Variants in STK32B observed in about 807,000 individuals in gnomAD.
STK32B encodes the protein serine/threonine kinase 32B.
Under a neutral mutation model 52.6 loss-of-function variants are expected in STK32B, and 43 were observed. The observed-to-expected ratio is 0.82, with a 90% CI of 0.64 to 1.05. The LOEUF (loss-of-function observed/expected upper bound fraction) is 1.05. Ranked by LOEUF, STK32B falls within the 50% of genes least tolerant of loss-of-function variation. The probability of loss-of-function intolerance (pLI) is 0.00; values close to 1 mark genes in which losing one functional copy is unlikely to be tolerated. For synonymous variants in STK32B, 238 were observed against 204.3 expected (o/e 1.17, Z -1.41); for missense variants, 621 against 534.6 (o/e 1.16, Z -1.59).
intron 4 of STK32B, among the ~76,000 whole-genome samples, chr4:5,353,927 G>A (rs899681309): frequency 6.6e-6 from 1 of 152,206 alleles, no homozygotes. Flanking sequence ...AGGGATACAG[G>A]CATGCCAATA....
At chr4:5,220,094 A>G (rs1397961584) in intron 3 of STK32B, among the ~76,000 whole-genome samples, 1 of 152,216 alleles carries the variant, frequency 6.6e-6, no homozygotes, top group East Asian at 1.9e-4. Context: ...TGCAAACTCC[A>G]GTCTAAAGGA....
intron 3 of STK32B, among the ~76,000 whole-genome samples, chr4:5,259,184 A>G (rs769232076): frequency 6.6e-6 from 1 of 152,220 alleles, no homozygotes; most frequent in Non-Finnish European, 1.5e-5. Context: ...TTCTATAGCA[A>G]GAATCAACAT....
chr4:5,078,635 T>C (rs997513452), intron 1 of STK32B, among the ~76,000 whole-genome samples: 1 of 152,198 alleles, frequency 6.6e-6, no homozygotes, highest in Admixed American at 6.5e-5. Flanking sequence ...TAAGTATTAC[T>C]TGGGATGCCT....
chr4:5,177,806 T>G (rs56241638), intron 3 of STK32B, among the ~76,000 whole-genome samples: 1 of 152,194 alleles, frequency 6.6e-6, no homozygotes, highest in Non-Finnish European at 1.5e-5. Flanking sequence ...CAAAATGATC[T>G]CCTTTGACTT....
intron 5 of STK32B, among the ~76,000 whole-genome samples, chr4:5,411,000 G>A (rs151093213): frequency 6.6e-6 from 1 of 151,770 alleles, no homozygotes; most frequent in Non-Finnish European, 1.5e-5. Context: ...CCTGTTTCAT[G>A]AGGTGAATAA....
At chr4:5,289,244 G>T (rs747336559) in intron 3 of STK32B, among the ~76,000 whole-genome samples, 12 of 152,104 alleles carry the variant, frequency 7.9e-5, no homozygotes, top group Non-Finnish European at 1.6e-4. Flanking sequence ...CATAGAAAAA[G>T]CATAAGTGTG....
At chr4:5,049,337 C>T (rs1194654531), upstream of STK32B, among the ~76,000 whole-genome samples, 1 of 152,180 alleles carries the variant, frequency 6.6e-6, no homozygotes, top group Non-Finnish European at 1.5e-5. Flanking sequence ...GCCGGGATTA[C>T]AGGTGGGTGA....
intron 1 of STK32B, among the ~76,000 whole-genome samples, chr4:5,060,122 A>T (rs1433459158): frequency 1.3e-5 from 2 of 152,006 alleles, no homozygotes; most frequent in African/African-American, 2.4e-5. Context: ...ATGTGCCCCT[A>T]CGCCCGGCTA....
intron 11 of STK32B, among the ~76,000 whole-genome samples, chr4:5,480,231 A>G (rs1020228019): frequency 6.6e-6 from 1 of 152,236 alleles, no homozygotes; most frequent in Non-Finnish European, 1.5e-5. Context: ...AAAAAGAGTC[A>G]AACTCTGTAA....
chr4:5,155,730 TG>T (rs1417179836), intron 2 of STK32B, among the ~76,000 whole-genome samples: 1 of 152,132 alleles, frequency 6.6e-6, no homozygotes, highest in Non-Finnish European at 1.5e-5. Context: ...CCTCCTGCCT[TG>T]TGAAGAAGGT....
chr4:5,027,467 C>T, the STK32B span, among the ~76,000 whole-genome samples: 1 of 152,184 alleles, frequency 6.6e-6, no homozygotes, highest in Non-Finnish European at 1.5e-5. Context: ...AGGAGAAAAA[C>T]TACAGGCTTT....
At chr4:5,452,376 A>G (rs929785095) in intron 7 of STK32B, among the ~76,000 whole-genome samples, 1 of 152,240 alleles carries the variant, frequency 6.6e-6, no homozygotes, top group South Asian at 2.1e-4. Context: ...CTGGAGAAAC[A>G]GGACCAGGTA....
chr4:5,319,014 G>A (rs1002978567), intron 3 of STK32B, among the ~76,000 whole-genome samples: 1 of 151,932 alleles, frequency 6.6e-6, no homozygotes, highest in Non-Finnish European at 1.5e-5. Context: ...CTGTGTTTGC[G>A]AGGATGGTCT....
chr4:5,454,326 T>C (rs149175380), intron 7 of STK32B, among the ~76,000 whole-genome samples: 140 of 152,202 alleles, frequency 9.2e-4, no homozygotes, highest in African/African-American at 3.2e-3. Flanking sequence ...GCCAGAAGTC[T>C]GAGATGAAGT....
At chr4:5,258,057 C>T (rs889405558) in intron 3 of STK32B, among the ~76,000 whole-genome samples, 1 of 152,220 alleles carries the variant, frequency 6.6e-6, no homozygotes, top group Non-Finnish European at 1.5e-5. Context: ...AGTTACTTCA[C>T]TCTCTGTGCC....
intron 4 of STK32B, among the ~76,000 whole-genome samples, chr4:5,354,644 T>C (rs912286565): frequency 6.6e-6 from 1 of 152,226 alleles, no homozygotes; most frequent in Admixed American, 6.5e-5. Flanking sequence ...TATTTCAAAG[T>C]AGCTAGGAGC....
At chr4:5,173,746 G>C (rs534620863) in intron 3 of STK32B, among the ~76,000 whole-genome samples, 1 of 152,142 alleles carries the variant, frequency 6.6e-6, no homozygotes, top group Non-Finnish European at 1.5e-5. Context: ...TTTTGGAATA[G>C]GTGTGGTGTG....
At chr4:5,224,699 T>C (rs1723754045) in intron 3 of STK32B, among the ~76,000 whole-genome samples, 2 of 152,170 alleles carry the variant, frequency 1.3e-5, no homozygotes, top group Non-Finnish European at 2.9e-5. Context: ...TCACTAATGT[T>C]AATTAATGAC....
At position 5,321,315 on chromosome 4, in the gene STK32B, TAGCA is replaced by T. The variant is rs1486926910; in HGVS notation, c.261-9904_261-9901del. ...CCATGGCTACTACATAGGAAGCACTTAGCATATGTGAGTTATCATTTATCCTTTC... is the reference window on the plus strand; with the variant it reads ...CCATGGCTACTACATAGGAAGCACTTTATGTGAGTTATCATTTATCCTTTC... On this transcript the variant is annotated intron_variant, in intron 3 of 11. Transcript: ENST00000282908. Among the ~76,000 whole-genome samples the T allele has an allele frequency of 2.6e-5, 4 of 152,320 alleles. No homozygotes were observed. In the East Asian group the frequency reaches 7.7e-4, roughly 29 times the overall value.
Sources: allele counts gnomAD v4.1 joint callset (sites outside exome capture counted in the v4.1 genomes callset), GRCh38; gene constraint gnomAD v4.1.1; transcripts MANE v1.5; gene names NCBI Gene and HGNC (gene_info 2026-07-23, HGNC 2026-07-21).